FSTL5: variants seen among roughly 807,000 people sequenced by gnomAD.
FSTL5 encodes follistatin like 5.
In FSTL5, 62 loss-of-function variants were observed where a neutral mutation model predicts 89.1. The ratio of observed to expected loss-of-function variants is 0.70; its 90% confidence interval spans 0.57 to 0.86. The LOEUF (loss-of-function observed/expected upper bound fraction) is 0.86, where lower values mean the gene tolerates loss of function less well. FSTL5 is among the 40% of genes least tolerant of loss of function. FSTL5 has a pLI of 0.00. For missense variants in FSTL5, 1,057 were observed against 1,001.6 expected (o/e 1.06, Z -0.75); for synonymous variants, 383 against 346.2 (o/e 1.11, Z -1.18).
intron 2 of FSTL5, among the ~76,000 whole-genome samples, chr4:162,066,168 C>T (rs1478979260): frequency 6.6e-6 from 1 of 151,832 alleles, no homozygotes; most frequent in East Asian, 1.9e-4. Flanking sequence ...CTTTTCCACT[C>T]TTTTTATCTC....
In FSTL5 at chr4:162,111,343, C is replaced by A; in HGVS notation, c.54G>T (p.Ser18=). Residue 18 remains serine, a synonymous_variant, in exon 2 of 16, where the codon TCG becomes TCT. Transcript: ENST00000306100. ...VLVLGFIFLE[S]EGRPTKEGGY... is the part of the protein sequence containing the mutation. Reference sequence around the variant, plus strand: ...CTCCTTCTTTGGTTGGCCTTCCTTCCGACTCCAGAAAAATGAATCCGAGAA... The same window carrying A: ...CTCCTTCTTTGGTTGGCCTTCCTTCAGACTCCAGAAAAATGAATCCGAGAA... 3.7e-6 allele frequency: 6 copies of A among 1,611,920 alleles called. No homozygotes were observed. The highest frequency in any genetic ancestry group is 1.7e-5 in the Admixed American group (1 of 59,956).
At position 161,542,565 on chromosome 4, in the gene FSTL5, T is replaced by C. The variant is rs1472154438; in HGVS notation, c.1144A>G (p.Thr382Ala). 1.3e-6 allele frequency: 2 copies of C among 1,553,024 alleles called. No homozygotes were observed. Among genetic ancestry groups the C allele is most frequent in the Non-Finnish European group, 1.7e-6 (2 of 1,146,266 alleles). The change falls in exon 9 of 16, where the codon ACA (threonine) becomes GCA (alanine). Residue 382 changes from threonine (T) to alanine (A), a missense_variant. Transcript: ENST00000306100. ...LGWLKNGIDI[T>A]PKLSKQLTLQ... is the part of the protein sequence containing the mutation. Reference sequence around the variant, plus strand: ...GTGAGTTGTTTGGAAAGCTTTGGTGTAATATCAATTCCATTCTTCAACCAG... The same window carrying C: ...GTGAGTTGTTTGGAAAGCTTTGGTGCAATATCAATTCCATTCTTCAACCAG...
chr4:161,603,085 G>C (rs1251622942), intron 7 of FSTL5, among the ~76,000 whole-genome samples: 3 of 152,142 alleles, frequency 2.0e-5, no homozygotes, highest in South Asian at 4.1e-4. Flanking sequence ...AAAGATGAGA[G>C]GAAGTATTTG....
intron 2 of FSTL5, among the ~76,000 whole-genome samples, chr4:162,049,722 T>C (rs1313519258): frequency 6.6e-6 from 1 of 151,946 alleles, no homozygotes; most frequent in Non-Finnish European, 1.5e-5. Flanking sequence ...AATAACTAGA[T>C]CAATCAGAAG....
At chr4:162,029,211 C>T (rs754663662) in intron 3 of FSTL5, among the ~76,000 whole-genome samples, 13 of 151,082 alleles carry the variant, frequency 8.6e-5, no homozygotes, top group Admixed American at 2.6e-4. Context: ...AGACTGCAGG[C>T]GCCATAATAC....
intron 2 of FSTL5, 43 bp from the exon 3 acceptor site, chr4:162,033,701 A>T: frequency 9.0e-7 from 1 of 1,109,832 alleles, no homozygotes; most frequent in Non-Finnish European, 1.3e-6. Flanking sequence ...GTAAGTAAAT[A>T]TGTGATCAAC....
intron 3 of FSTL5, among the ~76,000 whole-genome samples, chr4:162,010,769 C>T (rs1736743020): frequency 6.6e-6 from 1 of 152,204 alleles, no homozygotes; most frequent in South Asian, 2.1e-4. Context: ...TAACCTGTGT[C>T]AGTACCTCAT....
At chr4:161,412,834 A>G (rs1731639807) in intron 15 of FSTL5, among the ~76,000 whole-genome samples, 1 of 152,230 alleles carries the variant, frequency 6.6e-6, no homozygotes, top group Admixed American at 6.5e-5. Context: ...CTTGCTATTC[A>G]ATATACAGTG....
intron 3 of FSTL5, among the ~76,000 whole-genome samples, chr4:161,977,639 A>AATAAT (rs1553988131): frequency 7.8e-4 from 79 of 101,018 alleles, no homozygotes; most frequent in African/African-American, 1.3e-3. Context: ...AAAAAAAAAA[A>AATAAT]AATAATAATA....
At chr4:161,683,244 T>C (rs991422570) in intron 6 of FSTL5, among the ~76,000 whole-genome samples, 3 of 150,450 alleles carry the variant, frequency 2.0e-5, no homozygotes, top group African/African-American at 7.3e-5. Context: ...GAGTAATGCG[T>C]TGTGATTCAC....
chr4:161,945,495 T>G (rs1006616706), intron 3 of FSTL5, among the ~76,000 whole-genome samples: 8 of 152,238 alleles, frequency 5.3e-5, no homozygotes, highest in African/African-American at 1.9e-4. Context: ...GGCTCACGCC[T>G]GTAATCCCAG....
chr4:161,459,420 A>T (rs925466624), intron 13 of FSTL5, 101 bp from the exon 14 acceptor site: 19 of 660,610 alleles, frequency 2.9e-5, no homozygotes, highest in Non-Finnish European at 4.6e-5. Flanking sequence ...CAGATTAAAA[A>T]TTTAATTTGC....
intron 15 of FSTL5, among the ~76,000 whole-genome samples, chr4:161,420,264 G>A (rs1731935887): frequency 6.6e-6 from 1 of 152,218 alleles, no homozygotes; most frequent in Non-Finnish European, 1.5e-5. Flanking sequence ...TACAGAATGA[G>A]TAGTGGAAGA....
At chr4:161,740,386 G>C (rs1026496775) in intron 6 of FSTL5, among the ~76,000 whole-genome samples, 3 of 151,976 alleles carry the variant, frequency 2.0e-5, no homozygotes, top group Admixed American at 6.6e-5. Flanking sequence ...GAGGTTTAAG[G>C]AGAATTTTTA....
chr4:161,456,782 T>C (rs1733369750), intron 14 of FSTL5, among the ~76,000 whole-genome samples: 1 of 152,190 alleles, frequency 6.6e-6, no homozygotes. Context: ...TCTAATGGCA[T>C]AGCAAAAATG....
intron 3 of FSTL5, among the ~76,000 whole-genome samples, chr4:161,980,026 A>T (rs371080508): frequency 6.6e-6 from 1 of 150,968 alleles, no homozygotes; most frequent in Non-Finnish European, 1.5e-5. Flanking sequence ...AAAATTAAAA[A>T]AATAAAAATA....
intron 6 of FSTL5, among the ~76,000 whole-genome samples, chr4:161,698,376 G>A (rs147033733): frequency 1.3e-5 from 2 of 152,154 alleles, no homozygotes; most frequent in Non-Finnish European, 2.9e-5. Flanking sequence ...TGGCAGGTGG[G>A]TTGGGGAGAT....
At chr4:162,151,285 A>G (rs1733214197) in intron 1 of FSTL5, among the ~76,000 whole-genome samples, 1 of 152,348 alleles carries the variant, frequency 6.6e-6, no homozygotes, top group African/African-American at 2.4e-5. Flanking sequence ...CCAATCAAAA[A>G]TAACTTGAGA....
At chr4:161,577,473 C>CAAAAAAAAAAA (rs544029134) in intron 8 of FSTL5, among the ~76,000 whole-genome samples, 9 of 110,206 alleles carry the variant, frequency 8.2e-5, no homozygotes, top group South Asian at 3.2e-4. Flanking sequence ...AGAAAAAAGA[C>CAAAAAAAAAAA]AAAAAAAAAA....
Sources: gnomAD v4.1 joint callset for allele counts (sites outside exome capture counted in the v4.1 genomes callset) on GRCh38, gnomAD v4.1.1 for gene constraint, MANE v1.5 for transcripts, NCBI Gene and HGNC (gene_info 2026-07-23, HGNC 2026-07-21) for gene names.